The following AUTS2 variants were observed in gnomAD, a reference collection of about 807,000 sequenced individuals.
AUTS2 encodes the protein activator of transcription and developmental regulator AUTS2, also known as autism susceptibility gene 2 protein.
Under a neutral mutation model 112.4 loss-of-function variants are expected in AUTS2, and 17 were observed. That is an observed-to-expected ratio of 0.15 (90% CI 0.10 to 0.23). AUTS2 has a LOEUF of 0.23. Ranked by LOEUF, AUTS2 falls within the 10% of genes least tolerant of loss-of-function variation. AUTS2 has a pLI of 1.00. For missense variants in AUTS2, 1,510 were observed against 1,701.6 expected (o/e 0.89, Z 1.98); for synonymous variants, 751 against 702.7 (o/e 1.07, Z -1.09).
intron 4 of AUTS2, among the ~76,000 whole-genome samples, chr7:70,238,079 G>T (rs992482957): frequency 6.6e-6 from 1 of 152,140 alleles, no homozygotes; most frequent in African/African-American, 2.4e-5. Flanking sequence ...ATTTCCTGTG[G>T]ATCCAAAATT....
chr7:70,056,919 C>T (rs541914295), intron 2 of AUTS2, among the ~76,000 whole-genome samples: 1 of 152,294 alleles, frequency 6.6e-6, no homozygotes, highest in African/African-American at 2.4e-5. Context: ...CTTTCTGTTC[C>T]TACATTCTAG....
chr7:70,193,083 A>G (rs1809988643), intron 4 of AUTS2, among the ~76,000 whole-genome samples: 2 of 152,226 alleles, frequency 1.3e-5, no homozygotes, highest in Admixed American at 1.3e-4. Context: ...TCATAATTGT[A>G]ATCATAGATG....
intron 14 of AUTS2, among the ~76,000 whole-genome samples, chr7:70,779,627 T>C (rs982926582): frequency 2.0e-5 from 3 of 152,162 alleles, no homozygotes; most frequent in African/African-American, 7.2e-5. Flanking sequence ...TGCCCCCTCA[T>C]GGGGCTTTGC....
chr7:70,233,955 G>T (rs1812188227), intron 4 of AUTS2, among the ~76,000 whole-genome samples: 1 of 152,212 alleles, frequency 6.6e-6, no homozygotes, highest in African/African-American at 2.4e-5. Context: ...ATTGTCCAAA[G>T]GTTGATCATG....
chr7:70,551,032 C>A (rs62455790), intron 5 of AUTS2, among the ~76,000 whole-genome samples: 21,481 of 151,966 alleles, frequency 0.14, 1,824 homozygotes, highest in Non-Finnish European at 0.17. Context: ...CTGATAGGGG[C>A]ACATCAAAGA....
At chr7:70,757,913 C>T (rs1370236238) in intron 6 of AUTS2, among the ~76,000 whole-genome samples, 8 of 133,406 alleles carry the variant, frequency 6.0e-5, no homozygotes, top group Admixed American at 3.4e-4. Flanking sequence ...GCCCAAGTAG[C>T]TGGGATCACA....
chr7:69,600,083 T>A (rs1473052852), intron 1 of AUTS2, 121 bp downstream of exon 1: 1 of 1,156,462 alleles, frequency 8.6e-7, no homozygotes, highest in South Asian at 1.4e-5. Context: ...TCTGTCTGTC[T>A]GTCTAGGCTG....
chr7:70,150,948 C>T (rs1384360507), intron 4 of AUTS2, among the ~76,000 whole-genome samples: 1 of 152,138 alleles, frequency 6.6e-6, no homozygotes, highest in Non-Finnish European at 1.5e-5. Context: ...GGACATAAGG[C>T]AGTAAGGACA....
At chr7:69,918,389 G>C (rs536375783) in intron 2 of AUTS2, among the ~76,000 whole-genome samples, 1 of 152,270 alleles carries the variant, frequency 6.6e-6, no homozygotes, top group East Asian at 1.9e-4. Flanking sequence ...TCAGGCCTCA[G>C]AGTTGTAAGT....
intron 1 of AUTS2, among the ~76,000 whole-genome samples, chr7:69,798,284 A>G (rs1336498172): frequency 4.6e-5 from 7 of 152,104 alleles, no homozygotes; most frequent in African/African-American, 1.4e-4. Context: ...CATTTTACAC[A>G]TGAGAAAGAT....
At chr7:69,764,170 A>G (rs1788313702) in intron 1 of AUTS2, among the ~76,000 whole-genome samples, 1 of 152,284 alleles carries the variant, frequency 6.6e-6, no homozygotes, top group South Asian at 2.1e-4. Flanking sequence ...TGATATTACT[A>G]GCGTAAATGA....
chr7:69,871,705 A>G (rs1319592610), intron 1 of AUTS2, among the ~76,000 whole-genome samples: 9 of 152,222 alleles, frequency 5.9e-5, no homozygotes, highest in Admixed American at 4.6e-4. Context: ...AGTAGCATCT[A>G]TAGCGTGGAC....
chr7:70,718,599 G>A (rs1319675163), intron 6 of AUTS2, among the ~76,000 whole-genome samples: 1 of 152,162 alleles, frequency 6.6e-6, no homozygotes, highest in Non-Finnish European at 1.5e-5. Context: ...GGAAGCCGTG[G>A]TTGCAGTCAA....
intron 2 of AUTS2, among the ~76,000 whole-genome samples, chr7:69,942,910 G>A (rs564003958): frequency 2.0e-5 from 3 of 152,238 alleles, no homozygotes; most frequent in Admixed American, 1.3e-4. Context: ...TTATTTTTCT[G>A]TATTTACTGA....
intron 8 of AUTS2, among the ~76,000 whole-genome samples, chr7:70,765,342 G>A (rs761797768): frequency 2.2e-4 from 33 of 152,254 alleles, no homozygotes; most frequent in African/African-American, 3.6e-4. Flanking sequence ...CGATGGAAGC[G>A]TCCCCAAGCC....
chr7:70,783,531 A>G lies in AUTS2; in HGVS notation c.2147-1411A>G, dbSNP rs567612528. The G allele has an allele frequency of 3.9e-5, 6 of 152,372 alleles. No homozygotes were observed. The South Asian group carries it at 1.0e-3, about 26-fold the overall frequency. 9.4% of individuals were successfully genotyped at this position (152,372 alleles called of 1,614,324 possible). ...CCTAAGGGAATTTATATTTGTTTAT[A>G]GGAACTTAGACAAAATGCAAAGGAT... On this transcript the variant is annotated intron_variant, in intron 15 of 18. Coordinates refer to ENST00000342771, the MANE Select transcript of AUTS2 (RefSeq NM_015570.4).
chr7:70,441,115 G>A (rs922218747), intron 5 of AUTS2, among the ~76,000 whole-genome samples: 4 of 152,196 alleles, frequency 2.6e-5, no homozygotes, highest in Admixed American at 2.6e-4. Flanking sequence ...CCGGGCATAA[G>A]TATACATGCA....
intron 2 of AUTS2, among the ~76,000 whole-genome samples, chr7:69,966,158 C>T (rs779211897): frequency 7.2e-5 from 11 of 152,162 alleles, no homozygotes; most frequent in South Asian, 6.2e-4. Flanking sequence ...GCAAATGTTA[C>T]GCCTTCAGAC....
intron 5 of AUTS2, among the ~76,000 whole-genome samples, chr7:70,445,818 T>G (rs1796296348): frequency 6.6e-6 from 1 of 152,224 alleles, no homozygotes; most frequent in South Asian, 2.1e-4. Context: ...TAGCATGTAC[T>G]TGACACATAC....
Sources: gnomAD v4.1 joint callset for allele counts (sites outside exome capture counted in the v4.1 genomes callset) on GRCh38, gnomAD v4.1.1 for gene constraint, MANE v1.5 for transcripts, NCBI Gene and HGNC (gene_info 2026-07-23, HGNC 2026-07-21) for gene names.